Variants in DTNBP1 observed in about 807,000 individuals in gnomAD.
DTNBP1 encodes dystrobrevin binding protein 1.
Under a neutral mutation model 42.8 loss-of-function variants are expected in DTNBP1, and 35 were observed. That is an observed-to-expected ratio of 0.82 (90% confidence interval 0.63 to 1.09). The LOEUF (loss-of-function observed/expected upper bound fraction) is 1.09. Among genes scored for constraint, DTNBP1 ranks in the 50% least tolerant of loss-of-function variants. The probability of loss-of-function intolerance (pLI) is 0.00; values close to 1 mark genes in which losing one functional copy is unlikely to be tolerated. For missense variants in DTNBP1, 457 were observed against 424.2 expected, an observed-to-expected ratio of 1.08 and a Z score of -0.68; for synonymous variants, 171 against 162.2, an observed-to-expected ratio of 1.05 and a Z score of -0.41.
At chr6:15,523,416 G>T in intron 9 of DTNBP1, 197 bp from the exon 10 acceptor site, 1 of 1,244,124 alleles carries the variant, frequency 8.0e-7, no homozygotes, top group Non-Finnish European at 1.1e-6. Flanking sequence ...CAGGCCCTGC[G>T]GTGACCCTTC....
intron 7 of DTNBP1, among the ~76,000 whole-genome samples, chr6:15,583,982 A>C (rs1775947682): frequency 6.6e-6 from 1 of 152,210 alleles, no homozygotes; most frequent in Admixed American, 6.5e-5. Context: ...CAGTATGACA[A>C]CTTAAGACAT....
chr6:15,545,564 TACCTAAA>T (rs1773820527), intron 7 of DTNBP1, among the ~76,000 whole-genome samples: 2 of 152,198 alleles, frequency 1.3e-5, no homozygotes, highest in South Asian at 4.2e-4. Context: ...AGATGATCCT[TACCTAAA>T]ACACAGTAGT....
Position 15,533,274 on chromosome 6 carries a change from C to T in DTNBP1, c.633G>A (p.Leu211=). ...CTGCAATCTGCAGGTAGCCAGTGGA[C>T]AGGTACTGCTCCATGTCCTGCTGGA... ...EAFQQDMEQY[L]STGYLQIAER... is the part of the protein sequence containing the mutation. Residue 211 remains leucine, a synonymous_variant, in exon 8 of 10, where the codon CTG becomes CTA. Transcript: ENST00000344537. The T allele has an allele frequency of 6.2e-7, 1 of 1,614,180 alleles. No homozygotes were observed.
At chr6:15,596,076 G>A (rs1217883854) in intron 6 of DTNBP1, among the ~76,000 whole-genome samples, 1 of 152,086 alleles carries the variant, frequency 6.6e-6, no homozygotes, top group African/African-American at 2.4e-5. Context: ...TTAATACTTG[G>A]CAAGAGCAAT....
At chr6:15,586,526 C>T (rs951226937) in intron 7 of DTNBP1, among the ~76,000 whole-genome samples, 6 of 147,726 alleles carry the variant, frequency 4.1e-5, no homozygotes, top group Non-Finnish European at 1.5e-5. Flanking sequence ...AACTTCCTCC[C>T]AAAATTAAAA....
At chr6:15,526,506 A>G (rs1772405306) in intron 8 of DTNBP1, among the ~76,000 whole-genome samples, 1 of 152,110 alleles carries the variant, frequency 6.6e-6, no homozygotes. Context: ...TTAGTTGGGG[A>G]AAAGTATTAT....
At chr6:15,537,428 CAA>C (rs35563702) in intron 7 of DTNBP1, among the ~76,000 whole-genome samples, 8 of 124,744 alleles carry the variant, frequency 6.4e-5, no homozygotes, top group African/African-American at 8.9e-5. Context: ...GACTGCATCT[CAA>C]AAAAAAAAAA....
At chr6:15,608,272 A>T (rs945285740) in intron 6 of DTNBP1, among the ~76,000 whole-genome samples, 5 of 103,050 alleles carry the variant, frequency 4.9e-5, no homozygotes, top group African/African-American at 1.2e-4. Context: ...TGCTTGGTTT[A>T]AAAAAAAACA....
intron 7 of DTNBP1, among the ~76,000 whole-genome samples, chr6:15,590,113 T>C (rs1024083037): frequency 1.3e-5 from 2 of 152,150 alleles, no homozygotes; most frequent in African/African-American, 4.8e-5. Context: ...TTTGTATTTT[T>C]AGTAGAGATG....
chr6:15,597,217 T>C (rs1776549013), intron 6 of DTNBP1, among the ~76,000 whole-genome samples: 2 of 152,164 alleles, frequency 1.3e-5, no homozygotes, highest in East Asian at 1.9e-4. Context: ...TCATAGATTA[T>C]AGTGCTTTGG....
chr6:15,585,256 C>T (rs1289430011), intron 7 of DTNBP1, among the ~76,000 whole-genome samples: 1 of 150,796 alleles, frequency 6.6e-6, no homozygotes, highest in African/African-American at 2.4e-5. Flanking sequence ...CTATTAACTG[C>T]CTCTTGGAAA....
chr6:15,645,592 G>A (rs1449462988), intron 3 of DTNBP1, among the ~76,000 whole-genome samples: 1 of 152,048 alleles, frequency 6.6e-6, no homozygotes, highest in East Asian at 1.9e-4. Flanking sequence ...AGTTCACCAT[G>A]ATCAAGTGGG....
chr6:15,613,079 G>A (rs534521646), intron 6 of DTNBP1, among the ~76,000 whole-genome samples: 118 of 152,044 alleles, frequency 7.8e-4, no homozygotes, highest in South Asian at 1.7e-3. Flanking sequence ...AGGCTGAGGC[G>A]AGTGGATCAT....
rs539487985 is a variant in DTNBP1, at chr6:15,634,666, T to A, written c.222+3078A>T. Reference sequence around the variant, plus strand: ...GTTACCCTTGAAATTCTGCCCTCCATAATTAACTTTTAAAAGTGAGGTTAA... The same window carrying A: ...GTTACCCTTGAAATTCTGCCCTCCAAAATTAACTTTTAAAAGTGAGGTTAA... On this transcript the variant is annotated intron_variant, in intron 4 of 9. Coordinates refer to ENST00000344537, the MANE Select transcript of DTNBP1 (RefSeq NM_032122.5). 2.0e-5 allele frequency among the ~76,000 whole-genome samples: 3 copies of A among 152,222 alleles called. No homozygotes were observed. In the South Asian group the frequency reaches 6.2e-4, roughly 32 times the overall value.
intron 7 of DTNBP1, among the ~76,000 whole-genome samples, chr6:15,583,605 CAA>C (rs1471677155): frequency 6.6e-6 from 1 of 152,150 alleles, no homozygotes; most frequent in East Asian, 1.9e-4. Context: ...CTAAAATTTT[CAA>C]AGATTTCTTT....
intron 7 of DTNBP1, among the ~76,000 whole-genome samples, chr6:15,583,618 T>C (rs1164734246): frequency 6.6e-6 from 1 of 152,230 alleles, no homozygotes; most frequent in Admixed American, 6.5e-5. Context: ...AGATTTCTTT[T>C]TGTGGTTTTA....
chr6:15,563,154 C>A (rs1259813058), intron 7 of DTNBP1, among the ~76,000 whole-genome samples: 1 of 152,180 alleles, frequency 6.6e-6, no homozygotes, highest in Non-Finnish European at 1.5e-5. Context: ...CCCATCTTAC[C>A]TCCTACTCAG....
At chr6:15,619,627 A>C (rs1758924782) in intron 5 of DTNBP1, among the ~76,000 whole-genome samples, 1 of 152,156 alleles carries the variant, frequency 6.6e-6, no homozygotes, top group South Asian at 2.1e-4. Context: ...GGTCTCCTGA[A>C]TGAGACCTTG....
At chr6:15,662,785 T>A (rs373449292) in intron 1 of DTNBP1, 29 bp downstream of exon 1, 2 of 1,611,190 alleles carry the variant, frequency 1.2e-6, no homozygotes, top group African/African-American at 2.7e-5. Flanking sequence ...CCCCCTCAGG[T>A]CCCTTTTCGT....
Sources: allele counts gnomAD v4.1 joint callset (sites outside exome capture counted in the v4.1 genomes callset), GRCh38; gene constraint gnomAD v4.1.1; transcripts MANE v1.5; gene names NCBI Gene and HGNC (gene_info 2026-07-23, HGNC 2026-07-21).